ATRNL1: variants seen among roughly 807,000 people sequenced by gnomAD.
ATRNL1 encodes the protein attractin-like protein 1.
In ATRNL1, 95 loss-of-function variants were observed where a neutral mutation model predicts 182.7. The observed-to-expected ratio is 0.52, with a 90% CI of 0.44 to 0.62. The LOEUF (loss-of-function observed/expected upper bound fraction) is 0.62. ATRNL1 is among the 20% of genes least tolerant of loss of function. The pLI is 0.00. For missense variants in ATRNL1, 1,471 were observed against 1,679.5 expected (o/e 0.88, Z 2.17); for synonymous variants, 576 against 568.3 (o/e 1.01, Z -0.19).
intron 26 of ATRNL1, among the ~76,000 whole-genome samples, chr10:115,590,445 T>A (rs1015612598): frequency 6.6e-6 from 1 of 152,186 alleles, no homozygotes; most frequent in Non-Finnish European, 1.5e-5. Context: ...GTGCTCTTTA[T>A]TATTTGTGTT....
At chr10:115,902,196 G>A (rs562556359) in intron 28 of ATRNL1, among the ~76,000 whole-genome samples, 4 of 152,054 alleles carry the variant, frequency 2.6e-5, no homozygotes, top group South Asian at 4.2e-4. Context: ...CTTAAAAGGC[G>A]CCTTGTGCTT....
chr10:115,334,245 G>A, intron 18 of ATRNL1, 37 bp from the exon 19 acceptor site: 1 of 1,348,016 alleles, frequency 7.4e-7, no homozygotes, highest in Non-Finnish European at 1.0e-6. Flanking sequence ...TTGATATTAT[G>A]TTAGATATTT....
At chr10:115,689,798 G>C (rs1028413718) in intron 26 of ATRNL1, among the ~76,000 whole-genome samples, 1 of 152,208 alleles carries the variant, frequency 6.6e-6, no homozygotes, top group African/African-American at 2.4e-5. Flanking sequence ...CAACAGTTCT[G>C]TAGAGGTGGG....
rs372649921 is a variant in ATRNL1 at position 115,272,093 on chromosome 10, A to G, written c.2100+3649A>G. Among the ~76,000 whole-genome samples, 105 of 152,332 alleles carry G rather than the reference A, an allele frequency of 6.9e-4. 2 individuals carry two copies. In the South Asian group the frequency reaches 0.021, roughly 31 times the overall value. On this transcript the variant is annotated intron_variant, in intron 13 of 28. Coordinates refer to ENST00000355044, the MANE Select transcript of ATRNL1 (RefSeq NM_207303.4). ...TACTGCCACTTTGCCTTCTGCAATGAGTAAAAGTTCCCTGAGGCCTCTGCA... is the reference window on the plus strand; with the variant it reads ...TACTGCCACTTTGCCTTCTGCAATGGGTAAAAGTTCCCTGAGGCCTCTGCA...
At chr10:115,822,202 G>A (rs1327992178) in intron 27 of ATRNL1, among the ~76,000 whole-genome samples, 1 of 152,080 alleles carries the variant, frequency 6.6e-6, no homozygotes, top group African/African-American at 2.4e-5. Flanking sequence ...CAAAATGAAG[G>A]CAGAAATAAA....
chr10:115,825,021 A>C (rs1296792801), intron 27 of ATRNL1, among the ~76,000 whole-genome samples: 1 of 152,218 alleles, frequency 6.6e-6, no homozygotes, highest in African/African-American at 2.4e-5. Context: ...CTGTATAAAG[A>C]AAATGTGGCA....
chr10:115,886,382 C>T (rs529373075), intron 28 of ATRNL1, among the ~76,000 whole-genome samples: 5 of 152,218 alleles, frequency 3.3e-5, no homozygotes, highest in South Asian at 2.1e-4. Context: ...GGTGTGGTGG[C>T]GCATGCCTGT....
intron 19 of ATRNL1, among the ~76,000 whole-genome samples, chr10:115,350,718 T>G (rs1311313463): frequency 1.3e-5 from 2 of 152,200 alleles, no homozygotes; most frequent in Non-Finnish European, 2.9e-5. Flanking sequence ...TCTAGCTTTG[T>G]TCTTTTTGGT....
intron 21 of ATRNL1, among the ~76,000 whole-genome samples, chr10:115,443,085 C>T (rs557961520): frequency 6.6e-6 from 1 of 151,920 alleles, no homozygotes; most frequent in African/African-American, 2.4e-5. Context: ...GTTTGCTATT[C>T]AGAATGGAAT....
At chr10:115,471,071 A>T (rs922953512) in intron 24 of ATRNL1, among the ~76,000 whole-genome samples, 1 of 150,664 alleles carries the variant, frequency 6.6e-6, no homozygotes, top group Admixed American at 6.7e-5. Flanking sequence ...TGACTTGTTT[A>T]TTTAGCATCA....
chr10:115,769,758 A>T (rs923678107), intron 27 of ATRNL1, among the ~76,000 whole-genome samples: 3 of 152,180 alleles, frequency 2.0e-5, no homozygotes, highest in Non-Finnish European at 4.4e-5. Context: ...GCAACCTCAT[A>T]GGGTGGTTCT....
intron 15 of ATRNL1, among the ~76,000 whole-genome samples, chr10:115,287,924 G>GTTTTTT (rs11298663): frequency 4.4e-5 from 4 of 91,012 alleles, no homozygotes; most frequent in Admixed American, 1.2e-4. Context: ...AAGATCAACT[G>GTTTTTT]TTTTTTTTTT....
At position 115,559,454 on chromosome 10, in the gene ATRNL1, A is replaced by ACG. The variant is rs71010027; in HGVS notation, c.3795+9920_3795+9921dup. Among the ~76,000 whole-genome samples, 648 of 135,380 alleles carry ACG rather than the reference A, an allele frequency of 4.8e-3. 8 individuals carry two copies. Among genetic ancestry groups the ACG allele is most frequent in the African/African-American group, 0.017 (627 of 36,634 alleles). 88.8% of individuals were successfully genotyped at this position (135,380 alleles called of 152,430 possible). A position where few individuals can be genotyped will look rare whatever the true frequency, so the allele number is the denominator to read the frequency against. The stretch of plus-strand genomic sequence containing the variant: ...TGTGTGTGTGTGTGTGCGCGCGCGC[A>ACG]CGCACGCACATGCGCAACCCTTCTT... On this transcript the variant is annotated intron_variant, in intron 26 of 28. Transcript: ENST00000355044.
intron 27 of ATRNL1, among the ~76,000 whole-genome samples, chr10:115,750,030 C>T (rs142420364): frequency 1.3e-3 from 198 of 151,932 alleles, no homozygotes; most frequent in African/African-American, 4.4e-3. Flanking sequence ...AATTACTGTC[C>T]ACCATTTTCA....
intron 24 of ATRNL1, among the ~76,000 whole-genome samples, chr10:115,507,052 C>T (rs1206721368): frequency 2.0e-5 from 3 of 152,026 alleles, no homozygotes; most frequent in African/African-American, 4.8e-5. Context: ...ATAAGATGAA[C>T]ATTGGTTCAG....
intron 20 of ATRNL1, among the ~76,000 whole-genome samples, chr10:115,416,073 C>A (rs1348249255): frequency 6.6e-6 from 1 of 152,004 alleles, no homozygotes; most frequent in African/African-American, 2.4e-5. Flanking sequence ...ACTTTTCTAG[C>A]TCCTATAAAA....
intron 21 of ATRNL1, among the ~76,000 whole-genome samples, chr10:115,442,720 A>G (rs1846757699): frequency 6.8e-6 from 1 of 147,342 alleles, no homozygotes; most frequent in Admixed American, 6.6e-5. Context: ...TCTTCATAGC[A>G]TATATCACTC....
At chr10:115,557,173 T>C (rs993547943) in intron 26 of ATRNL1, among the ~76,000 whole-genome samples, 1 of 152,116 alleles carries the variant, frequency 6.6e-6, no homozygotes, top group African/African-American at 2.4e-5. Context: ...AAAATTGGTT[T>C]ATGGAGAGGA....
rs183009036 is a variant in ATRNL1 at position 115,426,099 on chromosome 10, A to G, written c.3270-151A>G. ...TACAATTAATTCAAATTTCAAACACATCTTTCAAAGATGTGTTTTTGAAAT... is the reference window on the plus strand; with the variant it reads ...TACAATTAATTCAAATTTCAAACACGTCTTTCAAAGATGTGTTTTTGAAAT... On this transcript the variant is annotated intron_variant, in intron 20 of 28. Transcript: ENST00000355044. 8.3e-4 allele frequency: 450 copies of G among 543,250 alleles called. 6 individuals are homozygous for G. The highest frequency in any genetic ancestry group is 8.1e-3 in the African/African-American group (421 of 51,692). The allele number at this position is 543,250 out of a possible 1,614,324, so 33.7% of individuals were successfully genotyped here. A position where few individuals can be genotyped will look rare whatever the true frequency, so the allele number is the denominator to read the frequency against.
Sources: gnomAD v4.1 joint callset for allele counts (sites outside exome capture counted in the v4.1 genomes callset) on GRCh38, gnomAD v4.1.1 for gene constraint, MANE v1.5 for transcripts, NCBI Gene and HGNC (gene_info 2026-07-23, HGNC 2026-07-21) for gene names.